Variants in BOD1L2 observed in about 807,000 individuals in gnomAD.
BOD1L2 encodes the protein biorientation of chromosomes in cell division protein 1-like 2.
A neutral mutation model predicts 5.3 loss-of-function variants in BOD1L2; 6 were observed. The observed-to-expected ratio is 1.14, with a 90% confidence interval of 0.62 to 2.25. The LOEUF (loss-of-function observed/expected upper bound fraction) is 2.25, where lower values mean the gene tolerates loss of function less well. BOD1L2 is among the 30% of genes most tolerant of loss of function. The pLI, the probability that BOD1L2 is intolerant of heterozygous loss-of-function variation, is 0.00. For missense variants in BOD1L2, 210 were observed against 227.2 expected, an observed-to-expected ratio of 0.92 and a Z score of 0.49; for synonymous variants, 96 against 96.3, an observed-to-expected ratio of 1.00 and a Z score of 0.02.
At position 57,147,936 on chromosome 18, in the gene BOD1L2, A is replaced by G; in HGVS notation, c.*105A>G. 1 of 1,222,636 alleles carries G rather than the reference A, an allele frequency of 8.2e-7. No homozygotes were observed. Among genetic ancestry groups the G allele is most frequent in the Non-Finnish European group, 1.1e-6 (1 of 893,686 alleles). 75.7% of individuals were successfully genotyped at this position (1,222,636 alleles called of 1,614,324 possible). ...AGATTGAAGATAAGCCAAGTTCATCACTGAGCTCAAGATTTCCACCTCGAC... is the reference window on the plus strand; with the variant it reads ...AGATTGAAGATAAGCCAAGTTCATCGCTGAGCTCAAGATTTCCACCTCGAC... On this transcript the variant is annotated 3_prime_UTR_variant, in exon 1 of 1. Coordinates refer to ENST00000585477, the MANE Select transcript of BOD1L2 (RefSeq NM_001257964.2).
chr18:57,147,146 C>T lies in BOD1L2; in HGVS notation c.-167C>T. ...GGTCTGGAGCTGGCCTCCCCCACCG[C>T]CGCCCCAACCACCGGCCCCGCCGCC... On this transcript the variant is annotated 5_prime_UTR_variant, in exon 1 of 1. Coordinates refer to ENST00000585477, the MANE Select transcript of BOD1L2 (RefSeq NM_001257964.2). 3 of 959,542 alleles carry T rather than the reference C, an allele frequency of 3.1e-6. No homozygotes were observed. The highest frequency in any genetic ancestry group is 3.8e-6 in the Non-Finnish European group (3 of 785,562). 59.4% of individuals were successfully genotyped at this position (959,542 alleles called of 1,614,324 possible).
Position 57,149,921 on chromosome 18 carries a change from A to G in BOD1L2, c.*2090A>G, listed in dbSNP as rs2048946506. On this transcript the variant is annotated 3_prime_UTR_variant, in exon 1 of 1. Transcript: ENST00000585477. ...CCTTCTTCTTTTTAAAAATAACGTA[A>G]TAAAGTGTAATACAACTTTTAAAGT... is the stretch of plus-strand genomic sequence containing the variant. 6.6e-6 allele frequency: 1 copy of G among 152,114 alleles called. No individual in the cohort carries two copies. The allele number at this position is 152,114 out of a possible 1,614,324, so 9.4% of individuals were successfully genotyped here.
rs942769687 is a variant in BOD1L2 at position 57,147,963 on chromosome 18, A to T, written c.*132A>T. On this transcript the variant is annotated 3_prime_UTR_variant, in exon 1 of 1. Transcript: ENST00000585477. ...TGAGCTCAAGATTTCCACCTCGACC[A>T]TGAGCAGTGACCAGATTGAAAGGGA... 2 of 1,039,038 alleles carry T rather than the reference A, an allele frequency of 1.9e-6. No individual in the cohort carries two copies. Among genetic ancestry groups the T allele is most frequent in the Non-Finnish European group, 2.7e-6 (2 of 736,294 alleles). 64.4% of individuals were successfully genotyped at this position (1,039,038 alleles called of 1,614,324 possible). A position where few individuals can be genotyped will look rare whatever the true frequency, so the allele number is the denominator to read the frequency against.
rs894684400 is a variant in BOD1L2, at chr18:57,148,907, C to T, written c.*1076C>T. The T allele has an allele frequency of 3.3e-5, 5 of 152,260 alleles. No homozygotes were observed. Among genetic ancestry groups the T allele is most frequent in the African/African-American group, 1.2e-4 (5 of 41,454 alleles). 9.4% of individuals were successfully genotyped at this position (152,260 alleles called of 1,614,324 possible). A position where few individuals can be genotyped will look rare whatever the true frequency, so the allele number is the denominator to read the frequency against. ...AAGCAGGAGTGACAGACTCCTTCCT[C>T]TGTGCTCCCATAGATCTCATAAGGG... On this transcript the variant is annotated 3_prime_UTR_variant, in exon 1 of 1. Transcript: ENST00000585477.
chr18:57,148,115 A>G lies in BOD1L2; in HGVS notation c.*284A>G. ...GAGGGAAACACTACCGCGACCCAGG[A>G]TTGTCCTGAAACAGACATCTATACT... On this transcript the variant is annotated 3_prime_UTR_variant, in exon 1 of 1. Transcript: ENST00000585477. 2 of 323,546 alleles carry G rather than the reference A, an allele frequency of 6.2e-6. No individual in the cohort carries two copies. Among genetic ancestry groups the G allele is most frequent in the African/African-American group, 4.1e-5 (2 of 48,380 alleles). The allele number at this position is 323,546 out of a possible 1,614,324, so 20.0% of individuals were successfully genotyped here.
In BOD1L2 at chr18:57,149,888, T is replaced by A. The variant is rs1441548661; in HGVS notation, c.*2057T>A. On this transcript the variant is annotated 3_prime_UTR_variant, in exon 1 of 1. Transcript: ENST00000585477. ...TGCGGAAGTGATTTTTGGTTTGGGG[T>A]TTGTTCTCCTTCTTCTTTTTAAAAA... 1 of 152,148 alleles carries A rather than the reference T, an allele frequency of 6.6e-6. No homozygotes were observed. The highest frequency in any genetic ancestry group is 1.5e-5 in the Non-Finnish European group (1 of 68,028). The allele number at this position is 152,148 out of a possible 1,614,324, so 9.4% of individuals were successfully genotyped here.
At position 57,147,717 on chromosome 18, in the gene BOD1L2, A is replaced by T; in HGVS notation, c.405A>T (p.Gln135His). Residue 135 changes from glutamine (Q) to histidine (H), a missense_variant, in exon 1 of 1, where the codon CAA (glutamine) becomes CAT (histidine). By Grantham distance (24) the Gln-to-His change is conservative (BLOSUM62 0). Coordinates refer to ENST00000585477, the MANE Select transcript of BOD1L2 (RefSeq NM_001257964.2). The part of the protein sequence containing the change: ...DPKLNHIFRP[Q>H]IEQIIHEFLV... ...AACTAAACCACATCTTCAGGCCACA[A>T]ATAGAACAAATAATTCATGAATTCC... is the stretch of plus-strand genomic sequence containing the variant. 6.2e-7 allele frequency: 1 copy of T among 1,613,876 alleles called. No individual in the cohort carries two copies. Among genetic ancestry groups the T allele is most frequent in the East Asian group, 2.2e-5 (1 of 44,870 alleles).
In BOD1L2 at chr18:57,147,324, T is replaced by TGGCGGC; in HGVS notation, c.19_24dup (p.Gly7_Gly8dup). Reference sequence around the variant, plus strand: ...CCCGGTGCGCAGCCATGGCGGACGGTGGCGGCGGCGGCAGCGGCGGTGCGG... The same window carrying TGGCGGC: ...CCCGGTGCGCAGCCATGGCGGACGGTGGCGGCGGCGGCGGCGGCAGCGGCGGTGCGG... On this transcript the variant is annotated inframe_insertion, in exon 1 of 1. Coordinates refer to ENST00000585477, the MANE Select transcript of BOD1L2 (RefSeq NM_001257964.2). 1 of 1,190,180 alleles carries TGGCGGC rather than the reference T, an allele frequency of 8.4e-7. No homozygotes were observed. The highest frequency in any genetic ancestry group is 1.0e-6 in the Non-Finnish European group (1 of 965,046). 73.7% of individuals were successfully genotyped at this position (1,190,180 alleles called of 1,614,324 possible). A position where few individuals can be genotyped will look rare whatever the true frequency, so the allele number is the denominator to read the frequency against.
Position 57,147,178 on chromosome 18 carries a change from A to G in BOD1L2, c.-135A>G. The G allele has an allele frequency of 3.9e-6, 4 of 1,030,244 alleles. No homozygotes were observed. The South Asian group carries it at 1.4e-4, about 35-fold the overall frequency. The allele number at this position is 1,030,244 out of a possible 1,614,324, so 63.8% of individuals were successfully genotyped here. On this transcript the variant is annotated 5_prime_UTR_variant, in exon 1 of 1. Transcript: ENST00000585477. ...AACCACCGGCCCCGCCGCCATCACCACCACCGTCACCTCCGCCGCTGCCTC... is the reference window on the plus strand; with the variant it reads ...AACCACCGGCCCCGCCGCCATCACCGCCACCGTCACCTCCGCCGCTGCCTC...
chr18:57,147,496 G>A lies in BOD1L2; in HGVS notation c.184G>A (p.Asp62Asn), dbSNP rs780050391. ...FDSFRRDCKADVDTKPAYQNL... is the reference protein window; with the variant it reads ...FDSFRRDCKANVDTKPAYQNL... The stretch of plus-strand genomic sequence containing the variant: ...CAGCTTCCGCCGGGACTGCAAGGCT[G>A]ACGTGGACACCAAGCCAGCTTACCA... Residue 62 changes from aspartate (D) to asparagine (N), a missense_variant, in exon 1 of 1, where the codon GAC becomes AAC. Transcript: ENST00000585477. 23 of 1,585,632 alleles carry A rather than the reference G, an allele frequency of 1.5e-5. No individual in the cohort carries two copies. The highest frequency in any genetic ancestry group is 6.9e-6 in the Non-Finnish European group (8 of 1,166,904).
In BOD1L2 at chr18:57,147,374, G is replaced by A; in HGVS notation, c.62G>A (p.Gly21Glu). ...GGCCCGGCCTCGACCCGGGCCAGCGGGGGCGGCGGCCCCATCAACCCGGCC... is the reference window on the plus strand; with the variant it reads ...GGCCCGGCCTCGACCCGGGCCAGCGAGGGCGGCGGCCCCATCAACCCGGCC... ...GAGPASTRAS[G>E]GGGPINPASL... The change falls in exon 1 of 1, where the codon GGG (glycine) becomes GAG (glutamate). Residue 21 changes from glycine to glutamate, a missense_variant. Gly to Glu is a moderately conservative substitution (Grantham distance 98). Coordinates refer to ENST00000585477, the MANE Select transcript of BOD1L2 (RefSeq NM_001257964.2). The A allele has an allele frequency of 1.3e-6, 2 of 1,516,938 alleles. No individual in the cohort carries two copies. Among genetic ancestry groups the A allele is most frequent in the South Asian group, 1.2e-5 (1 of 81,124 alleles). The allele number at this position is 1,516,938 out of a possible 1,614,324, so 94.0% of individuals were successfully genotyped here.
At position 57,149,657 on chromosome 18, in the gene BOD1L2, T is replaced by G. The variant is rs1415625526; in HGVS notation, c.*1826T>G. The G allele has an allele frequency of 6.6e-6, 1 of 152,224 alleles. No individual in the cohort carries two copies. The allele number at this position is 152,224 out of a possible 1,614,324, so 9.4% of individuals were successfully genotyped here. ...ATGAACAACCCAGCTCTTTAAAGTT[T>G]AATGTCCCAGCCATTTTAATTGTTT... On this transcript the variant is annotated 3_prime_UTR_variant, in exon 1 of 1. Transcript: ENST00000585477.
rs1016610711 is a variant in BOD1L2, at chr18:57,148,986, C to T, written c.*1155C>T. On this transcript the variant is annotated 3_prime_UTR_variant, in exon 1 of 1. Transcript: ENST00000585477. Reference sequence around the variant, plus strand: ...CTGACGAAGCACTTGCTCTATTGCTCTACAGCTGGCAGTGTACTAAACGCT... The same window carrying T: ...CTGACGAAGCACTTGCTCTATTGCTTTACAGCTGGCAGTGTACTAAACGCT... 2 of 152,256 alleles carry T rather than the reference C, an allele frequency of 1.3e-5. No homozygotes were observed. Among genetic ancestry groups the T allele is most frequent in the African/African-American group, 4.8e-5 (2 of 41,462 alleles). 9.4% of individuals were successfully genotyped at this position (152,256 alleles called of 1,614,324 possible).
rs2048944356 is a variant in BOD1L2 at position 57,149,443 on chromosome 18, A to G, written c.*1612A>G. 6.6e-6 allele frequency: 1 copy of G among 152,218 alleles called. No individual in the cohort carries two copies. The highest frequency in any genetic ancestry group is 2.4e-5 in the African/African-American group (1 of 41,452). 9.4% of individuals were successfully genotyped at this position (152,218 alleles called of 1,614,324 possible). On this transcript the variant is annotated 3_prime_UTR_variant, in exon 1 of 1. Coordinates refer to ENST00000585477, the MANE Select transcript of BOD1L2 (RefSeq NM_001257964.2). ...GTGAACAAAAATTAATTTTGCATCTAGTGTCTACATGTCTAAGCAAGAAAG... is the reference window on the plus strand; with the variant it reads ...GTGAACAAAAATTAATTTTGCATCTGGTGTCTACATGTCTAAGCAAGAAAG...
In BOD1L2 at chr18:57,147,831, A is replaced by G; in HGVS notation, c.519A>G (p.Ter173=). Residue 173 remains the stop codon, a stop_retained_variant, in exon 1 of 1, where the codon TAA becomes TAG. Coordinates refer to ENST00000585477, the MANE Select transcript of BOD1L2 (RefSeq NM_001257964.2). ...CAGCTCCGTCTCAGGACACTTCCTA[A>G]GAATATGCCTGACAGCTTTTGAAAG... is the stretch of plus-strand genomic sequence containing the variant. ...DPPAPSQDTS[*] is the part of the protein sequence containing the mutation. The G allele has an allele frequency of 6.3e-7, 1 of 1,594,356 alleles. No homozygotes were observed. Among genetic ancestry groups the G allele is most frequent in the South Asian group, 1.1e-5 (1 of 89,226 alleles).
In BOD1L2 at chr18:57,147,513, A is replaced by G. The variant is rs777922402; in HGVS notation, c.201A>G (p.Pro67=). 1 of 1,598,732 alleles carries G rather than the reference A, an allele frequency of 6.3e-7. No individual in the cohort carries two copies. The highest frequency in any genetic ancestry group is 1.7e-5 in the Admixed American group (1 of 57,954). The change falls in exon 1 of 1, where the codon CCA becomes CCG. Residue 67 remains proline, a synonymous_variant. Coordinates refer to ENST00000585477, the MANE Select transcript of BOD1L2 (RefSeq NM_001257964.2). ...GCAAGGCTGACGTGGACACCAAGCC[A>G]GCTTACCAAAACCTGAGCCAGAAAG... The part of the protein sequence containing the change: ...RDCKADVDTK[P]AYQNLSQKAD...
chr18:57,148,566 G>C lies in BOD1L2; in HGVS notation c.*735G>C, dbSNP rs1212872656. ...CTCACATTTGTGTTTTATTTGAAAA[G>C]TGGATGGTCAATAAATGGCTTATCT... is the stretch of plus-strand genomic sequence containing the variant. On this transcript the variant is annotated 3_prime_UTR_variant, in exon 1 of 1. Coordinates refer to ENST00000585477, the MANE Select transcript of BOD1L2 (RefSeq NM_001257964.2). The C allele has an allele frequency of 6.6e-6, 1 of 152,208 alleles. No homozygotes were observed. Among genetic ancestry groups the C allele is most frequent in the African/African-American group, 2.4e-5 (1 of 41,444 alleles). 9.4% of individuals were successfully genotyped at this position (152,208 alleles called of 1,614,324 possible).
Position 57,149,277 on chromosome 18 carries a change from G to A in BOD1L2, c.*1446G>A, listed in dbSNP as rs2048943783. The stretch of plus-strand genomic sequence containing the variant: ...AAATGTGAGCTTCCTCCAGGGCAGG[G>A]ATTTGCTTTGTTCATTTCTTTTCCT... On this transcript the variant is annotated 3_prime_UTR_variant, in exon 1 of 1. Transcript: ENST00000585477. 2 of 152,218 alleles carry A rather than the reference G, an allele frequency of 1.3e-5. No individual in the cohort carries two copies. The highest frequency in any genetic ancestry group is 2.9e-5 in the Non-Finnish European group (2 of 68,052). The allele number at this position is 152,218 out of a possible 1,614,324, so 9.4% of individuals were successfully genotyped here.
Position 57,147,622 on chromosome 18 carries a change from C to T in BOD1L2, c.310C>T (p.Gln104Ter). 3 of 1,613,186 alleles carry T rather than the reference C, an allele frequency of 1.9e-6. No individual in the cohort carries two copies. The highest frequency in any genetic ancestry group is 2.5e-6 in the Non-Finnish European group (3 of 1,180,038). The stretch of plus-strand genomic sequence containing the variant: ...CAACCAACTGCACGATGGTCTGAGG[C>T]AGAGTGTGGTTCAGTCAGGGAGGTC... ...NDNQLHDGLRQSVVQSGRSEA... is the reference protein window; with the variant it reads ...NDNQLHDGLR The change falls in exon 1 of 1, where the codon CAG becomes TAG. Residue 104 changes from glutamine (Q) to a stop codon, truncating the protein, a stop_gained. Coordinates refer to ENST00000585477, the MANE Select transcript of BOD1L2 (RefSeq NM_001257964.2). LOFTEE classifies it high-confidence loss of function.
Sources: gnomAD v4.1 joint callset for allele counts on GRCh38, gnomAD v4.1.1 for gene constraint, MANE v1.5 for transcripts, NCBI Gene and HGNC (gene_info 2026-07-23, HGNC 2026-07-21) for gene names.